MYRFL: variants seen among roughly 807,000 people sequenced by gnomAD.
MYRFL encodes the protein myelin regulatory factor-like protein.
MYRFL carries 88 observed loss-of-function variants against 109.4 expected under a neutral mutation model. The ratio of observed to expected loss-of-function variants is 0.80; its 90% CI spans 0.68 to 0.96. The LOEUF is 0.96. Among genes scored for constraint, MYRFL ranks in the 40% least tolerant of loss-of-function variants. The pLI is 0.00. For missense variants in MYRFL, 957 were observed against 954.9 expected (o/e 1.00, Z -0.03); for synonymous variants, 324 against 320.9 (o/e 1.01, Z -0.10).
chr12:69,888,707 CAG>C (rs1406882419), intron 6 of MYRFL, among the ~76,000 whole-genome samples: 2 of 152,068 alleles, frequency 1.3e-5, no homozygotes, highest in African/African-American at 4.8e-5. Flanking sequence ...TTTTTTTCTT[CAG>C]AGTTTTTGAC....
chr12:69,888,464 G>A (rs1886591012), intron 6 of MYRFL, among the ~76,000 whole-genome samples: 2 of 151,998 alleles, frequency 1.3e-5, no homozygotes, highest in South Asian at 4.1e-4. Flanking sequence ...ATTTTTTTCT[G>A]AATTATGTTT....
At chr12:69,861,200 A>G (rs923716836) in intron 2 of MYRFL, among the ~76,000 whole-genome samples, 2 of 151,888 alleles carry the variant, frequency 1.3e-5, no homozygotes, top group African/African-American at 2.4e-5. Context: ...TAGTGCCGCA[A>G]TAAACATACA....
chr12:69,944,881 A>T (rs929634934), intron 19 of MYRFL, among the ~76,000 whole-genome samples: 5 of 152,134 alleles, frequency 3.3e-5, no homozygotes, highest in African/African-American at 1.2e-4. Context: ...GTATAATTTT[A>T]AAAAAGTGAT....
chr12:69,882,622 A>C (rs1886197276), intron 5 of MYRFL, among the ~76,000 whole-genome samples: 1 of 152,180 alleles, frequency 6.6e-6, no homozygotes, highest in African/African-American at 2.4e-5. Context: ...CCTCATTTAT[A>C]GGGCTGAAAA....
At chr12:69,922,105 T>TGGTA (rs1442921205) in intron 13 of MYRFL, among the ~76,000 whole-genome samples, 2 of 151,952 alleles carry the variant, frequency 1.3e-5, no homozygotes, top group African/African-American at 2.4e-5. Flanking sequence ...CAGTCCTGCG[T>TGGTA]GGTAGATTGC....
chr12:69,926,651 G>C lies in MYRFL; in HGVS notation c.1683G>C (p.Glu561Asp). 1.3e-6 allele frequency: 2 copies of C among 1,530,288 alleles called. No individual in the cohort carries two copies. The highest frequency in any genetic ancestry group is 8.7e-7 in the Non-Finnish European group (1 of 1,143,502). The allele number at this position is 1,530,288 out of a possible 1,614,324, so 94.8% of individuals were successfully genotyped here. Residue 561 changes from glutamate (E) to aspartate (D), a missense_variant, in exon 14 of 25, where the codon GAG (glutamate) becomes GAC (aspartate). By Grantham distance (45) the Glu-to-Asp change is conservative. Transcript: ENST00000552032. Reference sequence around the variant, plus strand: ...ACAACCTTGAGGAAAGAATAGAAGAGTTAGAAATATGGAACAGAAAGCTGG... The same window carrying C: ...ACAACCTTGAGGAAAGAATAGAAGACTTAGAAATATGGAACAGAAAGCTGG... The part of the protein sequence containing the change: ...LTNNLEERIE[E>D]LEIWNRKLAR...
chr12:69,852,579 ATT>A (rs61145700), intron 1 of MYRFL, among the ~76,000 whole-genome samples: 4 of 112,184 alleles, frequency 3.6e-5, no homozygotes, highest in Admixed American at 2.0e-4. Flanking sequence ...TTAATTTTTA[ATT>A]TTTTTTTTTT....
intron 23 of MYRFL, 68 bp from the exon 24 acceptor site, chr12:69,958,181 G>A (rs1203689742): frequency 7.3e-7 from 1 of 1,360,878 alleles, no homozygotes; most frequent in African/African-American, 1.4e-5. Context: ...TGCTTTTTCA[G>A]CCTGTACTCT....
chr12:69,939,041 T>C (rs1955556478), intron 19 of MYRFL, among the ~76,000 whole-genome samples: 1 of 152,158 alleles, frequency 6.6e-6, no homozygotes, highest in Non-Finnish European at 1.5e-5. Context: ...CGGAGGGTCC[T>C]ACCCCATGGA....
intron 8 of MYRFL, 62 bp downstream of exon 8, chr12:69,893,902 T>C (rs1203484585): frequency 1.7e-6 from 1 of 589,546 alleles, no homozygotes; most frequent in Admixed American, 4.4e-5. Context: ...TACTTTGTTT[T>C]TTATATATAT....
chr12:69,923,695 A>G (rs529388173), intron 13 of MYRFL, among the ~76,000 whole-genome samples: 1 of 151,542 alleles, frequency 6.6e-6, no homozygotes, highest in African/African-American at 2.4e-5. Context: ...TTTTTTTTAA[A>G]TTTTTATTTT....
At chr12:69,888,401 C>G (rs752635366) in intron 6 of MYRFL, among the ~76,000 whole-genome samples, 3 of 152,124 alleles carry the variant, frequency 2.0e-5, no homozygotes, top group Non-Finnish European at 4.4e-5. Context: ...ACAAAAATAT[C>G]ATTTTCTTAA....
At chr12:69,843,625 T>C (rs566419963) in intron 1 of MYRFL, among the ~76,000 whole-genome samples, 1 of 152,354 alleles carries the variant, frequency 6.6e-6, no homozygotes, top group South Asian at 2.1e-4. Flanking sequence ...GATTTTTTAG[T>C]AGGTCCTGTG....
At chr12:69,894,269 A>G (rs993793223) in intron 8 of MYRFL, among the ~76,000 whole-genome samples, 2 of 152,104 alleles carry the variant, frequency 1.3e-5, no homozygotes, top group Admixed American at 1.3e-4. Context: ...AGGTGCTGGG[A>G]TTACAGGCGT....
intron 2 of MYRFL, among the ~76,000 whole-genome samples, chr12:69,868,433 G>T (rs1410868480): frequency 6.6e-6 from 1 of 152,254 alleles, no homozygotes; most frequent in Non-Finnish European, 1.5e-5. Flanking sequence ...TTCATTGCCT[G>T]AGGATTAAGT....
chr12:69,881,604 G>A (rs1886117970), intron 5 of MYRFL, among the ~76,000 whole-genome samples: 1 of 152,228 alleles, frequency 6.6e-6, no homozygotes, highest in African/African-American at 2.4e-5. Flanking sequence ...TTCTGTGGAT[G>A]ATGACTTCAC....
chr12:69,949,011 C>T (rs1955907375), intron 19 of MYRFL, among the ~76,000 whole-genome samples: 2 of 152,152 alleles, frequency 1.3e-5, no homozygotes, highest in Non-Finnish European at 2.9e-5. Flanking sequence ...CACCCATATT[C>T]ATTGAGCACC....
At chr12:69,858,042 C>G (rs1271363188) in intron 2 of MYRFL, among the ~76,000 whole-genome samples, 1 of 151,650 alleles carries the variant, frequency 6.6e-6, no homozygotes, top group Non-Finnish European at 1.5e-5. Flanking sequence ...TTCTCTTCCA[C>G]TGTTAGTTTG....
intron 6 of MYRFL, among the ~76,000 whole-genome samples, chr12:69,889,919 A>G (rs1886695918): frequency 6.6e-6 from 1 of 152,150 alleles, no homozygotes; most frequent in Non-Finnish European, 1.5e-5. Context: ...TGGGATGCTC[A>G]ATTTATATAC....
Sources: gnomAD v4.1 joint callset for allele counts (sites outside exome capture counted in the v4.1 genomes callset) on GRCh38, gnomAD v4.1.1 for gene constraint, MANE v1.5 for transcripts, NCBI Gene and HGNC (gene_info 2026-07-23, HGNC 2026-07-21) for gene names.